Variants in PRMT9 observed in about 807,000 individuals in gnomAD.
PRMT9 encodes protein arginine methyltransferase 9.
PRMT9 carries 59 observed loss-of-function variants against 83.2 expected under a neutral mutation model. The observed-to-expected ratio is 0.71, with a 90% CI of 0.57 to 0.88. PRMT9 has a LOEUF of 0.88. Among genes scored for constraint, PRMT9 ranks in the 40% least tolerant of loss-of-function variants. The pLI, the probability that PRMT9 is intolerant of heterozygous loss-of-function variation, is 0.00. For synonymous variants in PRMT9, 333 were observed against 353.2 expected (o/e 0.94, Z 0.64); for missense variants, 947 against 1,021.9 (o/e 0.93, Z 1.00).
In PRMT9 at chr4:147,655,687, C is replaced by T. The variant is rs139455146; in HGVS notation, c.1331-1121G>A. The stretch of plus-strand genomic sequence containing the variant: ...CCTCCAGAATAGCTGGGACTACAGG[C>T]GCTCACCATCATGCCTGAATTTTTA... On this transcript the variant is annotated intron_variant, in intron 8 of 11. Transcript: ENST00000322396. Among the ~76,000 whole-genome samples the T allele has an allele frequency of 3.3e-5, 5 of 152,088 alleles. No individual in the cohort carries two copies. The East Asian group carries it at 7.8e-4, about 24-fold the overall frequency.
chr4:147,665,271 A>C (rs1578916986), intron 6 of PRMT9, among the ~76,000 whole-genome samples: 1 of 152,212 alleles, frequency 6.6e-6, no homozygotes, highest in Non-Finnish European at 1.5e-5. Flanking sequence ...GGATCTATTG[A>C]TGATTCTTGC....
chr4:147,640,752 C>T (rs1441000325), intron 10 of PRMT9, among the ~76,000 whole-genome samples: 1 of 152,214 alleles, frequency 6.6e-6, no homozygotes, highest in Admixed American at 6.5e-5. Flanking sequence ...CAGGGTCAGT[C>T]TTGCTGTTGC....
chr4:147,656,137 G>T (rs1194365002), intron 8 of PRMT9, among the ~76,000 whole-genome samples: 3 of 152,154 alleles, frequency 2.0e-5, no homozygotes, highest in African/African-American at 7.2e-5. Context: ...GACAAGAACT[G>T]AATCCAAATC....
At chr4:147,675,280 A>G (rs1003155195) in intron 2 of PRMT9, among the ~76,000 whole-genome samples, 1 of 152,134 alleles carries the variant, frequency 6.6e-6, no homozygotes, top group Non-Finnish European at 1.5e-5. Context: ...GTGCCCAGCT[A>G]GAGAAACTTA....
rs545932234 is a variant in PRMT9, at chr4:147,670,794, T to C, written c.744-51A>G. 3.6e-5 allele frequency: 42 copies of C among 1,177,936 alleles called. No homozygotes were observed. The Admixed American group carries it at 6.2e-4, about 18-fold the overall frequency. The allele number at this position is 1,177,936 out of a possible 1,614,324, so 73.0% of individuals were successfully genotyped here. A position where few individuals can be genotyped will look rare whatever the true frequency, so the allele number is the denominator to read the frequency against. On this transcript the variant is annotated intron_variant, in intron 4 of 11. Transcript: ENST00000322396. ...ATGTAAGTAAAATATCATGCTATTA[T>C]ATAAAGATGTCAAAGCTGAGAGGAG...
At chr4:147,660,819 T>A in intron 7 of PRMT9, 27 bp downstream of exon 7, 1 of 1,500,498 alleles carries the variant, frequency 6.7e-7, no homozygotes, top group Non-Finnish European at 9.3e-7. Flanking sequence ...ATTTAATGCT[T>A]GAAAATAGTA....
At chr4:147,669,192 C>T (rs1560994077) in intron 5 of PRMT9, among the ~76,000 whole-genome samples, 1 of 151,706 alleles carries the variant, frequency 6.6e-6, no homozygotes, top group Non-Finnish European at 1.5e-5. Flanking sequence ...AGTTTGAGAC[C>T]AGCCTAGGCA....
chr4:147,642,754 C>T (rs749300421), intron 10 of PRMT9, 33 bp downstream of exon 10: 2 of 1,576,974 alleles, frequency 1.3e-6, no homozygotes, highest in South Asian at 1.1e-5. Flanking sequence ...TGTTCAACAG[C>T]ATCCTGGTTG....
intron 5 of PRMT9, among the ~76,000 whole-genome samples, 170 bp from the exon 6 acceptor site, chr4:147,668,815 T>G (rs1043246773): frequency 1.3e-5 from 2 of 152,178 alleles, no homozygotes; most frequent in Non-Finnish European, 2.9e-5. Flanking sequence ...GGCTGGGCAC[T>G]GTAGCTCACG....
intron 7 of PRMT9, among the ~76,000 whole-genome samples, chr4:147,660,298 A>G (rs2126608509): frequency 6.6e-6 from 1 of 152,244 alleles, no homozygotes. Flanking sequence ...CTGGCACCCT[A>G]TATATTCCCA....
Position 147,657,090 on chromosome 4 carries a change from T to C in PRMT9, c.1330+702A>G, listed in dbSNP as rs1172239928. Among the ~76,000 whole-genome samples the C allele has an allele frequency of 3.3e-5, 5 of 152,078 alleles. 1 individual carries two copies. The South Asian group carries it at 6.2e-4, about 19-fold the overall frequency. ...CTAAAACTGAAAAATTTTGTGCTTA[T>C]ATGAGTGTGTACATTTTTATGATGC... On this transcript the variant is annotated intron_variant, in intron 8 of 11. Transcript: ENST00000322396.
At chr4:147,648,641 A>G (rs1188360689) in intron 9 of PRMT9, among the ~76,000 whole-genome samples, 3 of 152,242 alleles carry the variant, frequency 2.0e-5, no homozygotes, top group Admixed American at 6.5e-5. Context: ...GCCTGTAAGA[A>G]GTACAAGTGA....
intron 9 of PRMT9, among the ~76,000 whole-genome samples, chr4:147,649,311 C>T (rs1733942585): frequency 6.6e-6 from 1 of 152,162 alleles, no homozygotes; most frequent in Non-Finnish European, 1.5e-5. Context: ...CCCTCCTGAC[C>T]TCATCCCCCC....
chr4:147,640,061 C>CTTT lies in PRMT9; in HGVS notation c.2200-982_2200-980dup, dbSNP rs1185905675. Among the ~76,000 whole-genome samples, 78 of 35,088 alleles carry CTTT rather than the reference C, an allele frequency of 2.2e-3. 22 individuals are homozygous for CTTT. Among genetic ancestry groups the CTTT allele is most frequent in the African/African-American group, 6.5e-3 (71 of 10,892 alleles). The allele number at this position is 35,088 out of a possible 152,430, so 23.0% of individuals were successfully genotyped here. On this transcript the variant is annotated intron_variant, in intron 10 of 11. Coordinates refer to ENST00000322396, the MANE Select transcript of PRMT9 (RefSeq NM_138364.4). ...CTCACACTAACTGGTCCACTCCTGT[C>CTTT]TTTTTTTTTTTTTTTTTTTTTTTTT...
intron 1 of PRMT9, 30 bp downstream of exon 1, chr4:147,683,769 T>C: frequency 2.9e-6 from 4 of 1,361,250 alleles, no homozygotes; most frequent in Middle Eastern, 2.6e-4. Flanking sequence ...ACGTTGGATC[T>C]GCCAGCAAGT....
In PRMT9 at chr4:147,642,995, C is replaced by G. The variant is rs1016462901; in HGVS notation, c.2046-55G>C. Reference sequence around the variant, plus strand: ...CTCTTGGGGCAGGGCGACAGTGGCTCACGCCTGTAATCCTAGCACTTTGGG... The same window carrying G: ...CTCTTGGGGCAGGGCGACAGTGGCTGACGCCTGTAATCCTAGCACTTTGGG... On this transcript the variant is annotated intron_variant, in intron 9 of 11. Coordinates refer to ENST00000322396, the MANE Select transcript of PRMT9 (RefSeq NM_138364.4). 3.9e-6 allele frequency: 6 copies of G among 1,541,250 alleles called. No homozygotes were observed. The African/African-American group carries it at 8.2e-5, about 21-fold the overall frequency.
In PRMT9 at chr4:147,657,954, T is replaced by C; in HGVS notation, c.1168A>G (p.Lys390Glu). Reference protein sequence around the residue: ...NLQELKSLATKKPDKIGIPVI... With the variant: ...NLQELKSLATEKPDKIGIPVI... Reference sequence around the variant, plus strand: ...GGAATACCAATCTTATCAGGCTTTTTAGTTGCAAGACTTTTTAATTCCTGA... The same window carrying C: ...GGAATACCAATCTTATCAGGCTTTTCAGTTGCAAGACTTTTTAATTCCTGA... The change falls in exon 8 of 12, where the codon AAA (lysine) becomes GAA (glutamate). Residue 390 changes from lysine to glutamate, a missense_variant. Transcript: ENST00000322396. The C allele has an allele frequency of 1.9e-5, 31 of 1,605,310 alleles. No homozygotes were observed. Among genetic ancestry groups the C allele is most frequent in the Non-Finnish European group, 2.6e-5 (30 of 1,174,928 alleles).
intron 5 of PRMT9, among the ~76,000 whole-genome samples, chr4:147,670,329 G>A (rs1043554503): frequency 2.2e-4 from 34 of 152,060 alleles, no homozygotes; most frequent in Middle Eastern, 6.3e-3. Context: ...ACAGGCATGC[G>A]CCACCACACC....
chr4:147,649,747 C>T (rs1486313944), intron 9 of PRMT9, among the ~76,000 whole-genome samples: 5 of 152,120 alleles, frequency 3.3e-5, no homozygotes, highest in Non-Finnish European at 4.4e-5. Context: ...TCAGGTGATC[C>T]GCCCGCCTTG....
Sources: allele counts gnomAD v4.1 joint callset (sites outside exome capture counted in the v4.1 genomes callset), GRCh38; gene constraint gnomAD v4.1.1; transcripts MANE v1.5; gene names NCBI Gene and HGNC (gene_info 2026-07-23, HGNC 2026-07-21).